VILL: variants seen among roughly 807,000 people sequenced by gnomAD.
VILL encodes villin like.
A neutral mutation model predicts 106.3 loss-of-function variants in VILL; 102 were observed. The ratio of observed to expected loss-of-function variants is 0.96; its 90% CI spans 0.82 to 1.13. The LOEUF (loss-of-function observed/expected upper bound fraction) is 1.13, where lower values mean the gene tolerates loss of function less well. Ranked by LOEUF, VILL falls within the 50% of genes most tolerant of loss-of-function variation. The pLI, the probability that VILL is intolerant of heterozygous loss-of-function variation, is 0.00. For synonymous variants in VILL, 431 were observed against 440.3 expected, an observed-to-expected ratio of 0.98 and a Z score of 0.27; for missense variants, 1,076 against 1,116.6, an observed-to-expected ratio of 0.96 and a Z score of 0.52.
intron 1 of VILL, among the ~76,000 whole-genome samples, chr3:37,992,541 G>A (rs1477661368): frequency 2.0e-5 from 3 of 152,124 alleles, no homozygotes; most frequent in African/African-American, 4.8e-5. Flanking sequence ...GCTGGGGGCC[G>A]GGCAGCTGGG....
intron 15 of VILL, chr3:38,003,677 G>A: frequency 3.9e-6 from 1 of 258,030 alleles, no homozygotes; most frequent in Non-Finnish European, 7.6e-6. Flanking sequence ...TGGGTATACA[G>A]TGTGTGTGGA....
chr3:38,000,213 C>G (rs1699787382), intron 11 of VILL, among the ~76,000 whole-genome samples: 1 of 152,120 alleles, frequency 6.6e-6, no homozygotes, highest in Admixed American at 6.5e-5. Context: ...AGGTGGAGGT[C>G]AGAGAAAAGG....
chr3:38,005,687 T>G, intron 16 of VILL, 105 bp from the exon 17 acceptor site: 1 of 1,264,756 alleles, frequency 7.9e-7, no homozygotes, highest in Non-Finnish European at 1.1e-6. Context: ...CAGGGATGTG[T>G]ATGTGGGGTT....
Position 37,997,168 on chromosome 3 carries a change from G to A in VILL, c.542G>A (p.Ser181Asn), listed in dbSNP as rs2125531899. The stretch of plus-strand genomic sequence containing the variant: ...ATTCAGTGGAATGGGCCCAAGACCA[G>A]CATTTCTGAGAAGGCTCGGGTCAGT... ...MMIQWNGPKT[S>N]ISEKARGLAL... Residue 181 changes from serine to asparagine, a missense_variant, in exon 6 of 20, where the codon AGC becomes AAC. Transcript: ENST00000383759. This position sits in a 1 kb window ranked among gnomAD's most constrained non-coding sequence, Gnocchi z 4.7. The A allele has an allele frequency of 6.2e-7, 1 of 1,614,158 alleles. No homozygotes were observed. The highest frequency in any genetic ancestry group is 8.5e-7 in the Non-Finnish European group (1 of 1,180,010).
chr3:38,001,923 C>T (rs1559367029), intron 13 of VILL, 63 bp downstream of exon 13: 13 of 1,609,664 alleles, frequency 8.1e-6, no homozygotes, highest in Non-Finnish European at 1.1e-5. Context: ...ATGGCCCCCG[C>T]ACACACTTCT....
chr3:37,999,036 A>C lies in VILL; in HGVS notation c.1067A>C (p.Lys356Thr), dbSNP rs1699760320. Reference protein sequence around the residue: ...TWSEKRRRNQKLGGRDKSIHV... With the variant: ...TWSEKRRRNQTLGGRDKSIHV... ...TCTGAGAAGCGGCGCAGGAACCAGA[A>C]GCTCGGCGGGAGGGGTGAGCGGGCG... is the stretch of plus-strand genomic sequence containing the variant. The change falls in exon 10 of 20, where the codon AAG becomes ACG. Residue 356 changes from lysine (K) to threonine (T), a missense_variant. Transcript: ENST00000383759. The C allele has an allele frequency of 1.3e-6, 2 of 1,511,754 alleles. No homozygotes were observed. Among genetic ancestry groups the C allele is most frequent in the East Asian group, 5.4e-5 (2 of 36,702 alleles). The allele number at this position is 1,511,754 out of a possible 1,614,324, so 93.6% of individuals were successfully genotyped here. A position where few individuals can be genotyped will look rare whatever the true frequency, so the allele number is the denominator to read the frequency against.
rs1425089959 is a variant in VILL at position 37,997,529 on chromosome 3, G to A, written c.608G>A (p.Gly203Asp). The A allele has an allele frequency of 1.2e-6, 2 of 1,614,148 alleles. No individual in the cohort carries two copies. The highest frequency in any genetic ancestry group is 3.3e-5 in the Admixed American group (2 of 60,022). The change falls in exon 7 of 20, where the codon GGT (glycine) becomes GAT (aspartate). Residue 203 changes from glycine (G) to aspartate (D), a missense_variant. By Grantham distance (94) the Gly-to-Asp change is moderately conservative. Coordinates refer to ENST00000383759, the MANE Select transcript of VILL (RefSeq NM_015873.4). The surrounding 1 kb of genome is among the most constrained non-coding windows in gnomAD (Gnocchi z 4.7). ...YSLRDRERGGGRAQIGVVDDE... is the reference protein window; with the variant it reads ...YSLRDRERGGDRAQIGVVDDE... ...CTCCGGGACAGGGAACGTGGTGGTG[G>A]TCGTGCACAGATTGGTGTGGTGGAT...
chr3:37,995,514 C>T (rs114268897), intron 4 of VILL, among the ~76,000 whole-genome samples: 25 of 152,356 alleles, frequency 1.6e-4, no homozygotes, highest in African/African-American at 6.0e-4. Flanking sequence ...TGCATGTGTC[C>T]ACATGACTAC....
intron 4 of VILL, 72 bp from the exon 5 acceptor site, chr3:37,995,667 C>T: frequency 1.6e-6 from 2 of 1,282,816 alleles, no homozygotes; most frequent in Middle Eastern, 1.9e-4. Flanking sequence ...CATCTGCAGT[C>T]ATTCATGCAC....
chr3:38,005,883 G>T lies in VILL; in HGVS notation c.2042G>T (p.Ser681Ile), dbSNP rs138041818. 2 of 1,614,148 alleles carry T rather than the reference G, an allele frequency of 1.2e-6. No homozygotes were observed. The highest frequency in any genetic ancestry group is 3.3e-5 in the Admixed American group (2 of 60,032). ...EYLKTHPAGRSPATPIVLVKQ... is the reference protein window; with the variant it reads ...EYLKTHPAGRIPATPIVLVKQ... ...CTGAAGACTCACCCAGCAGGGAGGA[G>T]CCCGGCCACACCCATCGTGCTGGTC... Residue 681 changes from serine (S) to isoleucine (I), a missense_variant, in exon 17 of 20, where the codon AGC (serine) becomes ATC (isoleucine). Physicochemically the swap from Ser to Ile is moderately radical, Grantham distance 142 (BLOSUM62 -2). Transcript: ENST00000383759.
At chr3:37,999,260 T>C in intron 10 of VILL, 79 bp from the exon 11 acceptor site, 1 of 725,676 alleles carries the variant, frequency 1.4e-6, no homozygotes, top group South Asian at 3.3e-5. Context: ...CTTGGAGGGA[T>C]GGTTGAGGAG....
Position 37,999,895 on chromosome 3 carries a change from A to G in VILL, c.1182+456A>G, listed in dbSNP as rs1287403956. Among the ~76,000 whole-genome samples the G allele has an allele frequency of 2.0e-5, 3 of 152,332 alleles. No homozygotes were observed. In the South Asian group the frequency reaches 6.2e-4, roughly 32 times the overall value. ...CACAGACACACGATCACACATCATC[A>G]ATTACAGCCCCACACACCCAACCCC... On this transcript the variant is annotated intron_variant, in intron 11 of 19. Transcript: ENST00000383759.
intron 19 of VILL, 31 bp downstream of exon 19, chr3:38,006,731 T>C: frequency 6.3e-7 from 1 of 1,579,934 alleles, no homozygotes; most frequent in Middle Eastern, 2.2e-4. Flanking sequence ...CCAGCACTAG[T>C]GCATCTGACA....
chr3:37,996,210 G>A (rs1172762455), intron 5 of VILL, among the ~76,000 whole-genome samples: 1 of 152,058 alleles, frequency 6.6e-6, no homozygotes, highest in Non-Finnish European at 1.5e-5. Context: ...AAAGAACTTG[G>A]GCAGATGGGG....
chr3:37,989,681 C>T (rs748510363), upstream of VILL, among the ~76,000 whole-genome samples: 10 of 152,094 alleles, frequency 6.6e-5, no homozygotes, highest in Admixed American at 3.9e-4. Context: ...GACAGGGAAA[C>T]GGGTATGCAC....
chr3:38,002,619 G>C, intron 14 of VILL, 44 bp downstream of exon 14: 1 of 1,584,474 alleles, frequency 6.3e-7, no homozygotes, highest in South Asian at 1.2e-5. Context: ...AGATGTAGTG[G>C]TGCCAGGCTG....
chr3:38,007,036 A>G lies in VILL; in HGVS notation c.2552A>G (p.Lys851Arg). Reference sequence around the variant, plus strand: ...ACGTGGAGGCAGCGGCAGGAGAAAAAGCAGCTGGGCTTCTTCTGAACCCAA... The same window carrying G: ...ACGTGGAGGCAGCGGCAGGAGAAAAGGCAGCTGGGCTTCTTCTGAACCCAA... ...MATWRQRQEK[K>R]QLGFF Residue 851 changes from lysine (K) to arginine (R), a missense_variant, in exon 20 of 20, where the codon AAG becomes AGG. Physicochemically the swap from Lys to Arg is conservative, Grantham distance 26. Coordinates refer to ENST00000383759, the MANE Select transcript of VILL (RefSeq NM_015873.4). The G allele has an allele frequency of 1.9e-6, 3 of 1,614,054 alleles. No homozygotes were observed. Among genetic ancestry groups the G allele is most frequent in the Non-Finnish European group, 2.5e-6 (3 of 1,179,976 alleles).
intron 2 of VILL, 62 bp from the exon 3 acceptor site, chr3:37,993,836 A>G: frequency 6.2e-7 from 1 of 1,607,516 alleles, no homozygotes; most frequent in Non-Finnish European, 8.5e-7. Context: ...CTTCCACCCC[A>G]CCCCAGCGGG....
At chr3:38,002,065 TTTGA>T (rs1699828294) in intron 13 of VILL, 45 of 845,596 alleles carry the variant, frequency 5.3e-5, no homozygotes, top group Admixed American at 2.4e-4. Context: ...AGATGAGGAA[TTTGA>T]GTTGAAAGGG....
Sources: allele counts gnomAD v4.1 joint callset (sites outside exome capture counted in the v4.1 genomes callset), GRCh38; gene constraint gnomAD v4.1.1; non-coding constraint Gnocchi (gnomAD v3.1); transcripts MANE v1.5; gene names NCBI Gene and HGNC (gene_info 2026-07-23, HGNC 2026-07-21).